NBAS: variants seen among roughly 807,000 people sequenced by gnomAD.
NBAS encodes NAG/BC035112 fusion.
NBAS carries 219 observed loss-of-function variants against 302.5 expected under a neutral mutation model. The observed-to-expected ratio is 0.72, with a 90% confidence interval of 0.65 to 0.81. The LOEUF is 0.81. Ranked by LOEUF, NBAS falls within the 30% of genes least tolerant of loss-of-function variation. The pLI, the probability that NBAS is intolerant of heterozygous loss-of-function variation, is 0.00. For synonymous variants in NBAS, 1,118 were observed against 1,021.6 expected, an observed-to-expected ratio of 1.09 and a Z score of -1.80; for missense variants, 2,932 against 2,841.6, an observed-to-expected ratio of 1.03 and a Z score of -0.72.
chr2:15,008,389 C>T, the NBAS span, among the ~76,000 whole-genome samples: 1 of 152,222 alleles, frequency 6.6e-6, no homozygotes, highest in African/African-American at 2.4e-5. Context: ...AGTTCTCTCC[C>T]ATGGTTCCCT....
chr2:15,063,997 C>G, the NBAS span, among the ~76,000 whole-genome samples: 1 of 152,230 alleles, frequency 6.6e-6, no homozygotes, highest in Non-Finnish European at 1.5e-5. Context: ...AGCTGGGACA[C>G]AGAAGAAAGA....
chr2:15,347,448 T>C (rs1673147021), intron 35 of NBAS, among the ~76,000 whole-genome samples: 2 of 152,370 alleles, frequency 1.3e-5, no homozygotes, highest in African/African-American at 4.8e-5. Context: ...CAAGATACTG[T>C]AATATAACTG....
intron 47 of NBAS, among the ~76,000 whole-genome samples, chr2:15,220,395 C>T (rs1666898911): frequency 6.6e-6 from 1 of 152,216 alleles, no homozygotes; most frequent in Admixed American, 6.5e-5. Context: ...AATATGCCCA[C>T]ACAAATGAAT....
At chr2:15,529,880 A>G (rs925996794) in intron 9 of NBAS, among the ~76,000 whole-genome samples, 10 of 152,226 alleles carry the variant, frequency 6.6e-5, no homozygotes, top group Non-Finnish European at 1.5e-4. Context: ...TATAATTGTA[A>G]TATGTTTATT....
At chr2:15,348,857 C>G (rs1336324071) in intron 35 of NBAS, among the ~76,000 whole-genome samples, 6 of 152,130 alleles carry the variant, frequency 3.9e-5, no homozygotes, top group African/African-American at 1.4e-4. Flanking sequence ...CCTCCAGTGA[C>G]CGGACAATAC....
In NBAS at chr2:15,177,449, T is replaced by C. The variant is rs138939568; in HGVS notation, c.6840+1539A>G. On this transcript the variant is annotated intron_variant, in intron 51 of 51. Coordinates refer to ENST00000281513, the MANE Select transcript of NBAS (RefSeq NM_015909.4). ...CTAGTTGCAGTTCTGACAGATGCAT[T>C]TGAGATAAAGAATCTTTAAAATGAA... Among the ~76,000 whole-genome samples, 37 of 152,256 alleles carry C rather than the reference T, an allele frequency of 2.4e-4. No homozygotes were observed. The East Asian group carries it at 7.1e-3, about 29-fold the overall frequency.
chr2:15,089,236 C>T, the NBAS span, among the ~76,000 whole-genome samples: 5 of 152,088 alleles, frequency 3.3e-5, no homozygotes, highest in Non-Finnish European at 5.9e-5. Context: ...CCTGCTTCGG[C>T]CTCCCAGAGT....
the NBAS span, among the ~76,000 whole-genome samples, chr2:15,055,170 C>T: frequency 8.5e-5 from 13 of 152,114 alleles, no homozygotes; most frequent in Admixed American, 2.0e-4. Flanking sequence ...GGGGAAATCA[C>T]GAACAAGCAT....
chr2:15,081,545 A>T, the NBAS span, among the ~76,000 whole-genome samples: 3 of 152,146 alleles, frequency 2.0e-5, no homozygotes, highest in Admixed American at 6.5e-5. Context: ...AATGCCCACG[A>T]CCTCTTCATC....
chr2:14,854,190 G>C, the NBAS span, among the ~76,000 whole-genome samples: 1 of 151,832 alleles, frequency 6.6e-6, no homozygotes, highest in Non-Finnish European at 1.5e-5. Flanking sequence ...GCAGTACTAA[G>C]AGGGAAGTTA....
At chr2:15,123,419 T>G in the NBAS span, among the ~76,000 whole-genome samples, 1 of 152,132 alleles carries the variant, frequency 6.6e-6, no homozygotes, top group Non-Finnish European at 1.5e-5. Flanking sequence ...TTTGGATGTT[T>G]GTTCACTCCA....
chr2:15,174,952 A>C (rs1299734622), intron 51 of NBAS, among the ~76,000 whole-genome samples: 1 of 152,158 alleles, frequency 6.6e-6, no homozygotes, highest in Non-Finnish European at 1.5e-5. Flanking sequence ...TAGGTACCGG[A>C]GGTCCTAAAC....
At chr2:15,439,678 G>T (rs537094492) in intron 21 of NBAS, among the ~76,000 whole-genome samples, 1 of 152,170 alleles carries the variant, frequency 6.6e-6, no homozygotes, top group African/African-American at 2.4e-5. Context: ...GCAGCGCGCC[G>T]TGCACAAGCC....
At chr2:14,974,232 T>C in the NBAS span, among the ~76,000 whole-genome samples, 1 of 152,202 alleles carries the variant, frequency 6.6e-6, no homozygotes, top group Non-Finnish European at 1.5e-5. Context: ...CTTTGAATTA[T>C]CTAGGAAAGA....
chr2:14,782,649 A>T, the NBAS span, among the ~76,000 whole-genome samples: 1 of 152,178 alleles, frequency 6.6e-6, no homozygotes, highest in Non-Finnish European at 1.5e-5. Flanking sequence ...ATAAAGACAG[A>T]TGCACACATA....
the NBAS span, among the ~76,000 whole-genome samples, chr2:14,989,829 C>G: frequency 2.0e-5 from 3 of 152,046 alleles, no homozygotes; most frequent in Non-Finnish European, 4.4e-5. Context: ...TTACTTAGAA[C>G]AGTATTACAT....
At chr2:15,034,290 A>AAGAAAG in the NBAS span, among the ~76,000 whole-genome samples, 1 of 96,118 alleles carries the variant, frequency 1.0e-5, no homozygotes, top group Non-Finnish European at 2.2e-5. Context: ...GAAAGAAAGA[A>AAGAAAG]AGAAAGAAAG....
At chr2:15,007,911 T>G in the NBAS span, among the ~76,000 whole-genome samples, 1 of 152,202 alleles carries the variant, frequency 6.6e-6, no homozygotes, top group Non-Finnish European at 1.5e-5. Flanking sequence ...CTCTGTAAAA[T>G]GCAGATAATA....
chr2:15,440,650 C>A (rs992921576), intron 21 of NBAS, among the ~76,000 whole-genome samples: 1 of 152,212 alleles, frequency 6.6e-6, no homozygotes, highest in Non-Finnish European at 1.5e-5. Flanking sequence ...TGGGACAAAG[C>A]TGGATGGAGA....
Sources: allele counts gnomAD v4.1 joint callset (sites outside exome capture counted in the v4.1 genomes callset), GRCh38; gene constraint gnomAD v4.1.1; transcripts MANE v1.5; gene names NCBI Gene and HGNC (gene_info 2026-07-23, HGNC 2026-07-21).